CFAP46: variants seen among roughly 807,000 people sequenced by gnomAD.
The protein encoded by CFAP46 is cilia and flagella associated protein 46, also known as cilia- and flagella-associated protein 46.
In CFAP46, 245 loss-of-function variants were observed where a neutral mutation model predicts 325.7. The observed-to-expected ratio is 0.75, with a 90% CI of 0.68 to 0.84. The LOEUF (loss-of-function observed/expected upper bound fraction) is 0.84. CFAP46 is among the 40% of genes least tolerant of loss of function. The pLI, the probability that CFAP46 is intolerant of heterozygous loss-of-function variation, is 0.00. For synonymous variants in CFAP46, 1,523 were observed against 1,495.9 expected (o/e 1.02, Z -0.42); for missense variants, 3,346 against 3,543.0 (o/e 0.94, Z 1.41).
rs199869831 is a variant in CFAP46, at chr10:132,808,557, G to T, written c.8012C>A (p.Ala2671Glu). The change falls in exon 58 of 58, where the codon GCG (alanine) becomes GAG (glutamate). Residue 2671 changes from alanine to glutamate, a missense_variant. Ala to Glu is a moderately radical substitution (Grantham distance 107, BLOSUM62 -1). Coordinates refer to ENST00000368586, the MANE Select transcript of CFAP46 (RefSeq NM_001200049.3). The surrounding 1 kb of genome is among the most constrained non-coding windows in gnomAD (Gnocchi z 6.8). Reference protein sequence around the residue: ...AWTSSSACLCAPWGLRRGWSC... With the variant: ...AWTSSSACLCEPWGLRRGWSC... ...CCAGCCCCGACGCAGACCCCATGGC[G>T]CACACAGGCAGGCAGAGCTCGAGGT... 26 of 1,612,860 alleles carry T rather than the reference G, an allele frequency of 1.6e-5. No homozygotes were observed. Among genetic ancestry groups the T allele is most frequent in the African/African-American group, 4.0e-5 (3 of 74,938 alleles).
chr10:132,866,252 A>G, intron 34 of CFAP46, 81 bp from the exon 35 acceptor site: 1 of 1,388,514 alleles, frequency 7.2e-7, no homozygotes, highest in Non-Finnish European at 9.5e-7. Flanking sequence ...CTGGCTCAGG[A>G]GCCATCTGTA....
intron 25 of CFAP46, among the ~76,000 whole-genome samples, chr10:132,887,559 TTC>T (rs1191730024): frequency 2.8e-5 from 2 of 70,788 alleles, no homozygotes; most frequent in African/African-American, 5.5e-5. Flanking sequence ...CTCTCCCTTC[TTC>T]TCTCTCCTCT....
intron 32 of CFAP46, among the ~76,000 whole-genome samples, chr10:132,870,243 G>A (rs150259214): frequency 9.2e-5 from 14 of 152,034 alleles, no homozygotes; most frequent in South Asian, 4.2e-4. Flanking sequence ...GGCCGCTCCC[G>A]CATTTCTCTC....
chr10:132,874,984 A>AGAT (rs1036459895), intron 31 of CFAP46, among the ~76,000 whole-genome samples: 4 of 152,386 alleles, frequency 2.6e-5, no homozygotes, highest in African/African-American at 9.6e-5. Context: ...ATGTGTTTGC[A>AGAT]GATAAAACGA....
rs541883167 is a variant in CFAP46, at chr10:132,825,953, G to A, written c.7117+7405C>T. On this transcript the variant is annotated intron_variant, in intron 50 of 57. Transcript: ENST00000368586. ...AAATTGTGGTGGGTGGAACACGGCC[G>A]GCCACAGAGACCAGCCACGGAGCCA... Among the ~76,000 whole-genome samples, 635 of 126,572 alleles carry A rather than the reference G, an allele frequency of 5.0e-3. 10 individuals are homozygous for A. The highest frequency in any genetic ancestry group is 0.016 in the African/African-American group (612 of 38,578). 83.0% of individuals were successfully genotyped at this position (126,572 alleles called of 152,430 possible). A position where few individuals can be genotyped will look rare whatever the true frequency, so the allele number is the denominator to read the frequency against.
At position 132,941,586 on chromosome 10, in the gene CFAP46, C is replaced by T. The variant is rs779787478; in HGVS notation, c.306+5G>A. 11 of 1,611,928 alleles carry T rather than the reference C, an allele frequency of 6.8e-6. No individual in the cohort carries two copies. The highest frequency in any genetic ancestry group is 8.5e-6 in the Non-Finnish European group (10 of 1,178,768). On this transcript the variant is annotated splice_donor_5th_base_variant and intron_variant, in intron 3 of 57. Transcript: ENST00000368586. ...TGGGGATAAGGGGCACAGGACGCCT[C>T]TCACCAGGTTTTCTGCCGACTTCGG...
At chr10:132,882,344 G>A (rs56116465) in intron 27 of CFAP46, among the ~76,000 whole-genome samples, 8,138 of 151,548 alleles carry the variant, frequency 0.054, 303 homozygotes, top group Non-Finnish European at 0.077. Flanking sequence ...AGTATAGGCT[G>A]TGTGGGGGTG....
chr10:132,935,177 T>C (rs370593483), intron 7 of CFAP46, among the ~76,000 whole-genome samples: 2 of 152,158 alleles, frequency 1.3e-5, no homozygotes. Context: ...TCAACGGCGA[T>C]AGGACCTGGG....
intron 44 of CFAP46, among the ~76,000 whole-genome samples, chr10:132,843,594 T>G: frequency 7.6e-6 from 1 of 132,058 alleles, no homozygotes. Context: ...TCGGTGGGTG[T>G]TCCCAGGGTG....
intron 8 of CFAP46, among the ~76,000 whole-genome samples, chr10:132,932,941 G>A (rs1849935575): frequency 6.6e-6 from 1 of 152,260 alleles, no homozygotes; most frequent in South Asian, 2.1e-4. Context: ...TTGTGTCCCT[G>A]CAGCTGCCCG....
intron 43 of CFAP46, among the ~76,000 whole-genome samples, 196 bp downstream of exon 43, chr10:132,846,736 C>T (rs1848443615): frequency 2.6e-5 from 4 of 152,330 alleles, no homozygotes; most frequent in African/African-American, 2.4e-5. Flanking sequence ...TGCAGGGGAT[C>T]GGGGATAAGC....
intron 19 of CFAP46, among the ~76,000 whole-genome samples, chr10:132,910,764 T>C (rs948808752): frequency 6.6e-6 from 1 of 152,200 alleles, no homozygotes; most frequent in Non-Finnish European, 1.5e-5. Context: ...AGACACCTAC[T>C]GGGCAGCGTC....
At chr10:132,913,320 G>A in intron 17 of CFAP46, 62 bp from the exon 18 acceptor site, 1 of 1,381,050 alleles carries the variant, frequency 7.2e-7, no homozygotes, top group African/African-American at 1.4e-5. Context: ...CCAGGCACCA[G>A]GAAGGCTGCG....
At position 132,885,701 on chromosome 10, in the gene CFAP46, C is replaced by G. The variant is rs1266277587; in HGVS notation, c.3443+120G>C. 12 of 823,868 alleles carry G rather than the reference C, an allele frequency of 1.5e-5. No homozygotes were observed. In the African/African-American group the frequency reaches 1.7e-4, roughly 12 times the overall value. 51.0% of individuals were successfully genotyped at this position (823,868 alleles called of 1,614,324 possible). Reference sequence around the variant, plus strand: ...GAGCACACTCCGGTGGGGGAGCACACCCCCGGTGGGGATGCAGTGGGTGGA... The same window carrying G: ...GAGCACACTCCGGTGGGGGAGCACAGCCCCGGTGGGGATGCAGTGGGTGGA... On this transcript the variant is annotated intron_variant, in intron 26 of 57. Transcript: ENST00000368586.
Position 132,833,383 on chromosome 10 carries a change from C to A in CFAP46, c.7092G>T (p.Trp2364Cys), listed in dbSNP as rs764002169. The A allele has an allele frequency of 1.1e-5, 17 of 1,613,892 alleles. No individual in the cohort carries two copies. In the South Asian group the frequency reaches 1.9e-4, roughly 18 times the overall value. ...CTGTCTCTTCTTTATGGAGGCGATT[C>A]CACAGCATTTGAAGAGAAAATTCTC... ...VSREFSLQMLWNRLHKEETEG... is the reference protein window; with the variant it reads ...VSREFSLQMLCNRLHKEETEG... Residue 2364 changes from tryptophan to cysteine, a missense_variant, in exon 50 of 58, where the codon TGG (tryptophan) becomes TGT (cysteine). Coordinates refer to ENST00000368586, the MANE Select transcript of CFAP46 (RefSeq NM_001200049.3).
Position 132,833,412 on chromosome 10 carries a change from A to C in CFAP46, c.7063T>G (p.Ser2355Ala). The C allele has an allele frequency of 6.2e-7, 1 of 1,614,178 alleles. No homozygotes were observed. The highest frequency in any genetic ancestry group is 1.1e-5 in the South Asian group (1 of 91,084). ...AGCATTTGAAGAGAAAATTCTCGTG[A>C]CACAGAGGAAATTGTCCCTTCATCG... is the stretch of plus-strand genomic sequence containing the variant. ...VFDEGTISSV[S>A]REFSLQMLWN... The change falls in exon 50 of 58, where the codon TCA (serine) becomes GCA (alanine). Residue 2355 changes from serine (S) to alanine (A), a missense_variant. Transcript: ENST00000368586.
In CFAP46 at chr10:132,867,380, C is replaced by T. The variant is rs1848831146; in HGVS notation, c.4738G>A (p.Asp1580Asn). 2 of 1,549,716 alleles carry T rather than the reference C, an allele frequency of 1.3e-6. No individual in the cohort carries two copies. Among genetic ancestry groups the T allele is most frequent in the Non-Finnish European group, 1.7e-6 (2 of 1,146,856 alleles). The change falls in exon 34 of 58, where the codon GAC (aspartate) becomes AAC (asparagine). Residue 1580 changes from aspartate to asparagine, a missense_variant. By Grantham distance (23) the Asp-to-Asn change is conservative. Coordinates refer to ENST00000368586, the MANE Select transcript of CFAP46 (RefSeq NM_001200049.3). Reference sequence around the variant, plus strand: ...ATTCTGGACGGTGAGGTTACCTTGTCCTTGGCGTCCAGTGGTTTGATCTCC... The same window carrying T: ...ATTCTGGACGGTGAGGTTACCTTGTTCTTGGCGTCCAGTGGTTTGATCTCC... ...PGEIKPLDAK[D>N]KILKMNGETG...
chr10:132,880,684 GCAC>G (rs1390501702), intron 28 of CFAP46, among the ~76,000 whole-genome samples, 174 bp downstream of exon 28: 7 of 148,352 alleles, frequency 4.7e-5, no homozygotes, highest in Admixed American at 4.7e-4. Context: ...GCAGAGGACA[GCAC>G]TGAGACACGT....
At chr10:132,895,536 T>A (rs1384970849) in intron 24 of CFAP46, among the ~76,000 whole-genome samples, 3 of 151,720 alleles carry the variant, frequency 2.0e-5, no homozygotes, top group Non-Finnish European at 4.4e-5. Flanking sequence ...AAACTATCTC[T>A]ATTCACAGAT....
Sources: allele counts gnomAD v4.1 joint callset (sites outside exome capture counted in the v4.1 genomes callset), GRCh38; gene constraint gnomAD v4.1.1; non-coding constraint Gnocchi (gnomAD v3.1); transcripts MANE v1.5; gene names NCBI Gene and HGNC (gene_info 2026-07-23, HGNC 2026-07-21).